The following PDZD9 variants were observed in gnomAD, a reference collection of about 807,000 sequenced individuals.
PDZD9 encodes PDZ domain-containing protein 9.
A neutral mutation model predicts 16.3 loss-of-function variants in PDZD9; 13 were observed. The ratio of observed to expected loss-of-function variants is 0.80; its 90% CI spans 0.52 to 1.27. The LOEUF is 1.27. PDZD9 is among the 50% of genes most tolerant of loss of function. The pLI, the probability that PDZD9 is intolerant of heterozygous loss-of-function variation, is 0.00. For missense variants in PDZD9, 288 were observed against 310.9 expected (o/e 0.93, Z 0.55); for synonymous variants, 120 against 111.0 (o/e 1.08, Z -0.51).
intron 2 of PDZD9, among the ~76,000 whole-genome samples, chr16:21,994,218 A>T (rs1899090964): frequency 6.6e-6 from 1 of 152,114 alleles, no homozygotes; most frequent in Non-Finnish European, 1.5e-5. Context: ...GCATTATTTC[A>T]TCAAATCTGC....
At chr16:21,988,900 T>G in intron 2 of PDZD9, 109 bp from the exon 3 acceptor site, 1 of 942,726 alleles carries the variant, frequency 1.1e-6, no homozygotes. Context: ...TATTGTTGAT[T>G]CTTTTTGAAC....
the PDZD9 span, among the ~76,000 whole-genome samples, chr16:21,962,032 T>A: frequency 6.6e-6 from 1 of 152,100 alleles, no homozygotes; most frequent in African/African-American, 2.4e-5. Flanking sequence ...AACTTTTCTA[T>A]CTTCTCCCAC....
the PDZD9 span, chr16:21,958,725 A>C: frequency 1.3e-6 from 1 of 775,548 alleles, no homozygotes; most frequent in East Asian, 2.7e-5. Flanking sequence ...AGACTGATGA[A>C]TTTGAGTATA....
At chr16:21,962,507 G>C in the PDZD9 span, 1 of 1,614,128 alleles carries the variant, frequency 6.2e-7, no homozygotes. Flanking sequence ...GAATGCCTGC[G>C]GGGTGATGTG....
At chr16:21,969,059 C>G in the PDZD9 span, among the ~76,000 whole-genome samples, 1 of 152,170 alleles carries the variant, frequency 6.6e-6, no homozygotes, top group East Asian at 1.9e-4. Context: ...AGCCAACTAT[C>G]TTTGTTTTAA....
chr16:21,962,437 CT>C, the PDZD9 span: 1 of 1,613,764 alleles, frequency 6.2e-7, no homozygotes, highest in Non-Finnish European at 8.5e-7. Flanking sequence ...AGATGATTTA[CT>C]CTAGTTTATT....
At chr16:21,975,581 G>T in the PDZD9 span, among the ~76,000 whole-genome samples, 2 of 152,074 alleles carry the variant, frequency 1.3e-5, no homozygotes, top group Non-Finnish European at 2.9e-5. Flanking sequence ...CACATCCCCG[G>T]AACTTTATTC....
downstream of PDZD9, among the ~76,000 whole-genome samples, chr16:21,979,086 A>G (rs1898653577): frequency 6.6e-6 from 1 of 152,206 alleles, no homozygotes; most frequent in Non-Finnish European, 1.5e-5. Flanking sequence ...ACTTCATACA[A>G]GGAAAAGGCA....
At chr16:21,988,121 C>T (rs1372846888) in intron 3 of PDZD9, among the ~76,000 whole-genome samples, 1 of 150,306 alleles carries the variant, frequency 6.7e-6, no homozygotes, top group East Asian at 1.9e-4. Context: ...GATTCTCCTG[C>T]CTCAGCCTCC....
At chr16:21,979,519 T>G (rs1296405516), downstream of PDZD9, among the ~76,000 whole-genome samples, 4 of 152,180 alleles carry the variant, frequency 2.6e-5, no homozygotes, top group African/African-American at 9.7e-5. Flanking sequence ...TAGCATGTAC[T>G]ATAGTACTGA....
the PDZD9 span, among the ~76,000 whole-genome samples, chr16:21,967,350 A>T: frequency 2.6e-5 from 4 of 152,120 alleles, no homozygotes; most frequent in African/African-American, 9.7e-5. Context: ...GAGCCTTTCT[A>T]GCCATTTTTT....
In PDZD9 at chr16:21,987,344, C is replaced by G. The variant is rs183049693; in HGVS notation, c.401+1258G>C. Among the ~76,000 whole-genome samples the G allele has an allele frequency of 9.5e-4, 145 of 152,128 alleles. 1 individual carries two copies. In the Middle Eastern group the frequency reaches 0.014, roughly 14 times the overall value. On this transcript the variant is annotated intron_variant, in intron 3 of 3. Transcript: ENST00000424898. Reference sequence around the variant, plus strand: ...CTGAGGCAGGAGAATCACTTGAACCCGAGAGGCAGAGGTTGCAGTGAGCCA... The same window carrying G: ...CTGAGGCAGGAGAATCACTTGAACCGGAGAGGCAGAGGTTGCAGTGAGCCA...
At chr16:21,983,178 T>TG, downstream of PDZD9, 1 of 1,612,790 alleles carries the variant, frequency 6.2e-7, no homozygotes, top group Non-Finnish European at 8.5e-7. Flanking sequence ...GTAATACTGA[T>TG]GCACACATTA....
At chr16:21,966,185 C>T in the PDZD9 span, among the ~76,000 whole-genome samples, 1 of 151,612 alleles carries the variant, frequency 6.6e-6, no homozygotes, top group Non-Finnish European at 1.5e-5. Flanking sequence ...TGTGTGTATA[C>T]ATATATATAA....
At chr16:21,978,938 A>G (rs1477562908), downstream of PDZD9, among the ~76,000 whole-genome samples, 1 of 152,226 alleles carries the variant, frequency 6.6e-6, no homozygotes, top group Admixed American at 6.5e-5. Flanking sequence ...AACAGACAGC[A>G]GAAGCTCTTC....
Position 21,996,405 on chromosome 16 carries a change from A to G in PDZD9, c.128T>C (p.Ile43Thr), listed in dbSNP as rs370488331. 6.5e-7 allele frequency: 1 copy of G among 1,535,994 alleles called. No homozygotes were observed. The highest frequency in any genetic ancestry group is 8.7e-7 in the Non-Finnish European group (1 of 1,146,826). The change falls in exon 2 of 4, where the codon ATC (isoleucine) becomes ACC (threonine). Residue 43 changes from isoleucine (I) to threonine (T), a missense_variant. Ile to Thr is a moderately conservative substitution (Grantham distance 89). Coordinates refer to ENST00000424898, the MANE Select transcript of PDZD9 (RefSeq NM_001363519.1). ...LTVGSLGLGL[I>T]IIQHGPYLQI... The stretch of plus-strand genomic sequence containing the variant: ...GAGGTAGGGTCCATGCTGGATGATG[A>G]TGAGGCCTAATCCCAGGCTACCCAC...
In PDZD9 at chr16:22,000,520, C is replaced by T. The variant is rs377104108; in HGVS notation, c.31+497G>A. Among the ~76,000 whole-genome samples the T allele has an allele frequency of 1.2e-4, 19 of 152,046 alleles. 1 individual carries two copies. The highest frequency in any genetic ancestry group is 4.3e-4 in the African/African-American group (18 of 41,472). ...TCAACGTGGGTATAGCTTGTCAAAACGGTAGCTGTACTTTTAAAAGGGGGG... is the reference window on the plus strand; with the variant it reads ...TCAACGTGGGTATAGCTTGTCAAAATGGTAGCTGTACTTTTAAAAGGGGGG... On this transcript the variant is annotated intron_variant, in intron 1 of 3. Coordinates refer to ENST00000424898, the MANE Select transcript of PDZD9 (RefSeq NM_001363519.1).
intron 2 of PDZD9, among the ~76,000 whole-genome samples, chr16:21,995,768 T>C (rs1028434974): frequency 5.9e-5 from 9 of 152,156 alleles, no homozygotes; most frequent in African/African-American, 2.2e-4. Context: ...CAGCTAATTT[T>C]TGTATTTGTA....
At position 21,988,651 on chromosome 16, in the gene PDZD9, ATTC is replaced by A. The variant is rs753986499; in HGVS notation, c.349_351del (p.Glu117del). On this transcript the variant is annotated inframe_deletion, in exon 3 of 4. Coordinates refer to ENST00000424898, the MANE Select transcript of PDZD9 (RefSeq NM_001363519.1). ...GGGATTAAATCATATATTTCTTGCC[ATTC>A]TTCAGGAATGTTAATAAAATCTCGG... The A allele has an allele frequency of 1.3e-5, 21 of 1,613,076 alleles. No individual in the cohort carries two copies. The Admixed American group carries it at 2.5e-4, about 19-fold the overall frequency.
Sources: gnomAD v4.1 joint callset for allele counts (sites outside exome capture counted in the v4.1 genomes callset) on GRCh38, gnomAD v4.1.1 for gene constraint, MANE v1.5 for transcripts, NCBI Gene and HGNC (gene_info 2026-07-23, HGNC 2026-07-21) for gene names.